The following PIK3CD variants were observed in gnomAD, a reference collection of about 807,000 sequenced individuals.
PIK3CD encodes phosphatidylinositol 4,5-bisphosphate 3-kinase catalytic subunit delta isoform.
A neutral mutation model predicts 122.9 loss-of-function variants in PIK3CD; 20 were observed. The observed-to-expected ratio is 0.16, with a 90% confidence interval of 0.11 to 0.24. The LOEUF (loss-of-function observed/expected upper bound fraction) is 0.24, where lower values mean the gene tolerates loss of function less well. Among genes scored for constraint, PIK3CD ranks in the 10% least tolerant of loss-of-function variants. The probability of loss-of-function intolerance (pLI) is 1.00; values close to 1 mark genes in which losing one functional copy is unlikely to be tolerated. For synonymous variants in PIK3CD, 596 were observed against 593.4 expected, an observed-to-expected ratio of 1.00 and a Z score of -0.06; for missense variants, 787 against 1,406.3, an observed-to-expected ratio of 0.56 and a Z score of 7.04.
intron 14 of PIK3CD, 62 bp downstream of exon 14, chr1:9,721,310 C>T (rs1648610140): frequency 9.3e-6 from 15 of 1,611,614 alleles, no homozygotes; most frequent in African/African-American, 8.0e-5. Flanking sequence ...GCTGCCAGGA[C>T]GTGGGCTCTG....
chr1:9,666,982 C>T (rs1645180084), intron 1 of PIK3CD, among the ~76,000 whole-genome samples: 2 of 152,082 alleles, frequency 1.3e-5, no homozygotes, highest in Admixed American at 6.6e-5. Context: ...TCTCCTGCCT[C>T]AGCCTCCTGT....
chr1:9,629,499 A>C, the PIK3CD span, among the ~76,000 whole-genome samples: 1 of 137,862 alleles, frequency 7.3e-6, no homozygotes. Flanking sequence ...GGCCTAGAAC[A>C]AAAACATACC....
At chr1:9,655,837 C>T (rs1171420691) in intron 1 of PIK3CD, among the ~76,000 whole-genome samples, 3 of 151,698 alleles carry the variant, frequency 2.0e-5, no homozygotes, top group Non-Finnish European at 4.4e-5. Context: ...GCTGGAATTA[C>T]AGATGTGCGC....
At chr1:9,663,925 A>G (rs1456656224) in intron 1 of PIK3CD, among the ~76,000 whole-genome samples, 1 of 151,716 alleles carries the variant, frequency 6.6e-6, no homozygotes, top group African/African-American at 2.4e-5. Context: ...ATCCTTTTTT[A>G]TGGCTGCATA....
chr1:9,720,174 G>T lies in PIK3CD; in HGVS notation c.1402G>T (p.Ala468Ser). 1 of 1,612,674 alleles carries T rather than the reference G, an allele frequency of 6.2e-7. No individual in the cohort carries two copies. Among genetic ancestry groups the T allele is most frequent in the Non-Finnish European group, 8.5e-7 (1 of 1,179,684 alleles). ...GCGCAGTAACCCCAACACGGATAGC[G>T]CCGCTGCCCTGCTCATCTGCCTGCC... Reference protein sequence around the residue: ...TVRSNPNTDSAAALLICLPEV... With the variant: ...TVRSNPNTDSSAALLICLPEV... Residue 468 changes from alanine (A) to serine (S), a missense_variant, in exon 11 of 24, where the codon GCC becomes TCC. Physicochemically the swap from Ala to Ser is moderately conservative, Grantham distance 99. Coordinates refer to ENST00000377346, the MANE Select transcript of PIK3CD (RefSeq NM_005026.5). The surrounding 1 kb of genome is among the most constrained non-coding windows in gnomAD (Gnocchi z 9.0).
the PIK3CD span, among the ~76,000 whole-genome samples, chr1:9,633,247 C>A: frequency 6.6e-6 from 1 of 152,134 alleles, no homozygotes; most frequent in Non-Finnish European, 1.5e-5. Flanking sequence ...ATTTGTCAGG[C>A]GTGGTTTCCT....
Position 9,715,681 on chromosome 1 carries a change from C to T in PIK3CD, c.282C>T (p.Pro94=). Residue 94 remains proline (P), a synonymous_variant, in exon 4 of 24, where the codon CCC becomes CCT. Coordinates refer to ENST00000377346, the MANE Select transcript of PIK3CD (RefSeq NM_005026.5). This position sits in a 1 kb window ranked among gnomAD's most constrained non-coding sequence, Gnocchi z 4.1. ...AACGGCGTCTGTGTGACGTGCAGCC[C>T]TTCCTGCCCGTCCTGCGCCTGGTGG... The part of the protein sequence containing the change: ...DEQRRLCDVQ[P]FLPVLRLVAR... The T allele has an allele frequency of 6.2e-7, 1 of 1,613,722 alleles. No individual in the cohort carries two copies. The highest frequency in any genetic ancestry group is 8.5e-7 in the Non-Finnish European group (1 of 1,180,028).
rs1297091785 is a variant in PIK3CD, at chr1:9,720,863, G to A, written c.1643G>A (p.Arg548Gln). ...GAGCACTTCCCGGAGGCGCTAGCCC[G>A]GCTGCTGCTGGTCACCAAGTGGAAC... The part of the protein sequence containing the change: ...VQEHFPEALA[R>Q]LLLVTKWNKH... Residue 548 changes from arginine to glutamine, a missense_variant, in exon 13 of 24, where the codon CGG becomes CAG. This residue lies in a region of PIK3CD where 592 missense variants were observed against 920.6 expected (regional missense o/e 0.64). Coordinates refer to ENST00000377346, the MANE Select transcript of PIK3CD (RefSeq NM_005026.5). This position sits in a 1 kb window ranked among gnomAD's most constrained non-coding sequence, Gnocchi z 9.0. The A allele has an allele frequency of 5.0e-6, 8 of 1,608,074 alleles. No individual in the cohort carries two copies. The highest frequency in any genetic ancestry group is 6.8e-6 in the Non-Finnish European group (8 of 1,177,486).
At chr1:9,660,081 A>C (rs1162574754) in intron 1 of PIK3CD, among the ~76,000 whole-genome samples, 1 of 152,064 alleles carries the variant, frequency 6.6e-6, no homozygotes, top group African/African-American at 2.4e-5. Flanking sequence ...ACGCCCAGCT[A>C]GTTTTGTACT....
intron 1 of PIK3CD, among the ~76,000 whole-genome samples, chr1:9,676,341 C>G (rs576022383): frequency 6.6e-6 from 1 of 152,192 alleles, no homozygotes; most frequent in Non-Finnish European, 1.5e-5. Flanking sequence ...CCCCATAGTG[C>G]GTAAGCCACC....
chr1:9,663,035 T>C (rs1188371290), intron 1 of PIK3CD, among the ~76,000 whole-genome samples: 6 of 152,182 alleles, frequency 3.9e-5, no homozygotes, highest in Non-Finnish European at 1.5e-5. Context: ...AGGCTGTCTC[T>C]CTGTCCAGCC....
Position 9,659,401 on chromosome 1 carries a change from A to C in PIK3CD, c.-138+7599A>C, listed in dbSNP as rs116299926. Among the ~76,000 whole-genome samples the C allele has an allele frequency of 6.8e-3, 1,036 of 152,314 alleles. 12 individuals are homozygous for C. The highest frequency in any genetic ancestry group is 0.023 in the African/African-American group (948 of 41,546). ...GTTTTAATTGTAAAATATACATAAC[A>C]TAAAATTTACCATCTTAAGCATTTC... On this transcript the variant is annotated intron_variant, in intron 1 of 23. Transcript: ENST00000377346.
At chr1:9,635,170 G>A in the PIK3CD span, among the ~76,000 whole-genome samples, 1 of 151,710 alleles carries the variant, frequency 6.6e-6, no homozygotes, top group African/African-American at 2.4e-5. Context: ...AGTTACTCAG[G>A]AGACTGAGGC....
chr1:9,702,552 C>CTTTT (rs1557643688), intron 2 of PIK3CD, among the ~76,000 whole-genome samples: 13 of 57,456 alleles, frequency 2.3e-4, no homozygotes, highest in Non-Finnish European at 3.7e-4. Context: ...CAGAGTTTTG[C>CTTTT]TCTTGCTGCC....
intron 1 of PIK3CD, among the ~76,000 whole-genome samples, chr1:9,668,543 G>A (rs1645231695): frequency 6.6e-6 from 1 of 151,510 alleles, no homozygotes; most frequent in South Asian, 2.1e-4. Context: ...TTCTTTAGTG[G>A]TGATTTCTGA....
chr1:9,660,689 C>G (rs1004810945), intron 1 of PIK3CD: 1 of 152,242 alleles, frequency 6.6e-6, no homozygotes, highest in African/African-American at 2.4e-5. Context: ...GGCACACACT[C>G]GGGAAGGCAG....
intron 1 of PIK3CD, among the ~76,000 whole-genome samples, chr1:9,668,582 T>C (rs1436231227): frequency 2.6e-5 from 4 of 152,094 alleles, no homozygotes; most frequent in Non-Finnish European, 4.4e-5. Context: ...ACCCAAGCAG[T>C]GTACACTGTA....
rs546712708 is a variant in PIK3CD, at chr1:9,713,800, A to G, written c.142-1741A>G. Among the ~76,000 whole-genome samples, 15 of 148,096 alleles carry G rather than the reference A, an allele frequency of 1.0e-4. No homozygotes were observed. The South Asian group carries it at 3.2e-3, about 32-fold the overall frequency. On this transcript the variant is annotated intron_variant, in intron 3 of 23. Transcript: ENST00000377346. ...ATTATTATTATTTTTGTAACGGTGGACCTTGCCATGTTGCCCAAGCTATAG... is the reference window on the plus strand; with the variant it reads ...ATTATTATTATTTTTGTAACGGTGGGCCTTGCCATGTTGCCCAAGCTATAG...
In PIK3CD at chr1:9,718,654, G is replaced by T. The variant is rs1304500113; in HGVS notation, c.1021-40G>T. The T allele has an allele frequency of 6.4e-7, 1 of 1,562,532 alleles. No individual in the cohort carries two copies. On this transcript the variant is annotated intron_variant, in intron 8 of 23. Transcript: ENST00000377346. The surrounding 1 kb of genome is among the most constrained non-coding windows in gnomAD (Gnocchi z 7.2). ...TTAAGGGGGAGGGGAGAGGGGCTGG[G>T]CCTCTGCCTCCTCACCCATCATCCC...
Sources: gnomAD v4.1 joint callset for allele counts (sites outside exome capture counted in the v4.1 genomes callset) on GRCh38, gnomAD v4.1.1 for gene constraint, gnomAD v4.1.1 regional missense constraint, Gnocchi (gnomAD v3.1) non-coding constraint, MANE v1.5 for transcripts, NCBI Gene and HGNC (gene_info 2026-07-23, HGNC 2026-07-21) for gene names.